DIAPH2: variants seen among roughly 807,000 people sequenced by gnomAD.
DIAPH2 encodes protein diaphanous homolog 2.
A neutral mutation model predicts 92.7 loss-of-function variants in DIAPH2; 35 were observed. The ratio of observed to expected loss-of-function variants is 0.38; its 90% CI spans 0.29 to 0.50. The LOEUF is 0.50. DIAPH2 is among the 20% of genes least tolerant of loss of function. DIAPH2 has a pLI of 0.94. For missense variants in DIAPH2, 701 were observed against 819.5 expected, an observed-to-expected ratio of 0.86 and a Z score of 1.77; for synonymous variants, 301 against 280.4, an observed-to-expected ratio of 1.07 and a Z score of -0.73.
rs754966465 is a variant in DIAPH2 at position 97,603,820 on chromosome X, A to G, written c.*4503A>G. ...ATCACTAGAAATGCCTTTAACATTCATACTACTACCATCTGGTAAAGGCAA... is the reference window on the plus strand; with the variant it reads ...ATCACTAGAAATGCCTTTAACATTCGTACTACTACCATCTGGTAAAGGCAA... On this transcript the variant is annotated 3_prime_UTR_variant, in exon 27 of 27. Coordinates refer to ENST00000324765, the MANE Select transcript of DIAPH2 (RefSeq NM_006729.5). 1 of 112,109 alleles carries G rather than the reference A, an allele frequency of 8.9e-6. No homozygotes were observed. Among genetic ancestry groups the G allele is most frequent in the East Asian group, 2.8e-4 (1 of 3,585 alleles). 9.2% of individuals were successfully genotyped at this position (112,109 alleles called of 1,213,427 possible).
At chrX:96,715,573 T>C (rs1489254810) in intron 1 of DIAPH2, among the ~76,000 whole-genome samples, 1 of 111,885 alleles carries the variant, frequency 8.9e-6, no homozygotes, top group Admixed American at 9.5e-5. Flanking sequence ...AGATTTATTC[T>C]CTTTCACCAT....
intron 25 of DIAPH2, among the ~76,000 whole-genome samples, chrX:97,386,549 T>C (rs1224500497): frequency 2.7e-5 from 3 of 109,992 alleles, no homozygotes; most frequent in Non-Finnish European, 5.7e-5. Context: ...GCACCTGTAG[T>C]CCCAGCTACT....
intron 13 of DIAPH2, among the ~76,000 whole-genome samples, chrX:96,943,321 C>A (rs1458892181): frequency 9.0e-6 from 1 of 110,963 alleles, no homozygotes; most frequent in Non-Finnish European, 1.9e-5. Context: ...TGTCAACATT[C>A]TTGTATATAA....
chrX:97,097,187 G>A (rs987897476), intron 19 of DIAPH2, among the ~76,000 whole-genome samples: 1 of 111,513 alleles, frequency 9.0e-6, no homozygotes, highest in African/African-American at 3.3e-5. Flanking sequence ...TGTCTACAAC[G>A]TTTAGTATGT....
chrX:97,026,852 T>C (rs934791345), intron 17 of DIAPH2, among the ~76,000 whole-genome samples: 1 of 112,283 alleles, frequency 8.9e-6, no homozygotes, highest in Non-Finnish European at 1.9e-5. Flanking sequence ...GTGTGAGGAG[T>C]TGCTAAGTAT....
chrX:96,815,721 G>A (rs2064728757), intron 4 of DIAPH2, among the ~76,000 whole-genome samples: 1 of 111,441 alleles, frequency 9.0e-6, no homozygotes, highest in African/African-American at 3.3e-5. Flanking sequence ...CTGGAGTGCA[G>A]TGGCACTATC....
Position 96,722,758 on chromosome X carries a change from A to G in DIAPH2, c.133-13000A>G, listed in dbSNP as rs2063996714. Among the ~76,000 whole-genome samples the G allele has an allele frequency of 2.7e-5, 3 of 112,027 alleles. No homozygotes were observed. The South Asian group carries it at 1.1e-3, about 42-fold the overall frequency. ...TCGCACTATGATAAATGCTAAAATC[A>G]AAGTTTGAACTAAGACCTTGGGAGT... is the stretch of plus-strand genomic sequence containing the variant. On this transcript the variant is annotated intron_variant, in intron 1 of 26. Coordinates refer to ENST00000324765, the MANE Select transcript of DIAPH2 (RefSeq NM_006729.5).
At chrX:96,887,244 C>G (rs1353208042) in intron 5 of DIAPH2, among the ~76,000 whole-genome samples, 1 of 111,487 alleles carries the variant, frequency 9.0e-6, no homozygotes, top group African/African-American at 3.3e-5. Flanking sequence ...TATATTTAGT[C>G]CATGTTAAAG....
chrX:96,743,792 G>T (rs1353570018), intron 3 of DIAPH2, among the ~76,000 whole-genome samples: 1 of 111,033 alleles, frequency 9.0e-6, no homozygotes, highest in South Asian at 3.8e-4. Flanking sequence ...TATACAACAT[G>T]GTGACTATTG....
At chrX:96,986,270 T>G (rs1226926649) in intron 17 of DIAPH2, among the ~76,000 whole-genome samples, 1 of 111,781 alleles carries the variant, frequency 8.9e-6, no homozygotes, top group African/African-American at 3.2e-5. Context: ...AGGGATTATA[T>G]GAAATATTTT....
chrX:96,967,852 G>A (rs753234878), intron 17 of DIAPH2, among the ~76,000 whole-genome samples: 3 of 111,893 alleles, frequency 2.7e-5, no homozygotes, highest in Non-Finnish European at 5.6e-5. Flanking sequence ...GTGCTGTGAT[G>A]CACATAAAAG....
intron 17 of DIAPH2, among the ~76,000 whole-genome samples, chrX:96,966,117 G>A (rs5921005): frequency 0.36 from 40,103 of 109,995 alleles, 6,298 homozygotes; most frequent in South Asian, 0.55. Flanking sequence ...TTTAGATTAT[G>A]TACACTGGAG....
intron 26 of DIAPH2, among the ~76,000 whole-genome samples, chrX:97,585,692 C>T (rs768530527): frequency 9.0e-6 from 1 of 111,234 alleles, no homozygotes; most frequent in South Asian, 3.8e-4. Flanking sequence ...AATATCACCC[C>T]TTTCAGGGTC....
intron 22 of DIAPH2, among the ~76,000 whole-genome samples, chrX:97,242,823 G>A (rs1208922357): frequency 9.1e-6 from 1 of 109,935 alleles, no homozygotes; most frequent in Non-Finnish European, 1.9e-5. Flanking sequence ...GTCTTGTTCT[G>A]TTGCCCAGGC....
intron 26 of DIAPH2, among the ~76,000 whole-genome samples, chrX:97,522,705 T>C (rs6620301): frequency 0.4 from 44,235 of 111,460 alleles, 6,262 homozygotes; most frequent in East Asian, 0.56. Context: ...TTTGTCCTTA[T>C]GGTCATTATT....
At chrX:96,883,814 A>G (rs1421008652) in intron 5 of DIAPH2, 1 of 116,608 alleles carries the variant, frequency 8.6e-6, no homozygotes, top group East Asian at 2.7e-4. Context: ...TTGTGCTCCT[A>G]AAATTTCTGT....
intron 4 of DIAPH2, among the ~76,000 whole-genome samples, chrX:96,781,293 C>T (rs1490807105): frequency 9.0e-6 from 1 of 111,116 alleles, no homozygotes; most frequent in African/African-American, 3.3e-5. Flanking sequence ...TTTAGGAAGG[C>T]AACAATATCA....
intron 3 of DIAPH2, among the ~76,000 whole-genome samples, chrX:96,755,756 A>G (rs771718113): frequency 9.0e-6 from 1 of 111,671 alleles, no homozygotes; most frequent in East Asian, 2.8e-4. Context: ...CTGTAAGAGT[A>G]AAGGGATAAA....
At chrX:97,425,174 A>G (rs763688490) in intron 25 of DIAPH2, among the ~76,000 whole-genome samples, 2 of 111,332 alleles carry the variant, frequency 1.8e-5, no homozygotes, top group African/African-American at 6.5e-5. Flanking sequence ...ACCTTCTTGT[A>G]CTTATATATC....
Sources: gnomAD v4.1 joint callset for allele counts (sites outside exome capture counted in the v4.1 genomes callset) on GRCh38, gnomAD v4.1.1 for gene constraint, MANE v1.5 for transcripts, NCBI Gene and HGNC (gene_info 2026-07-23, HGNC 2026-07-21) for gene names.